The following THRB variants were observed in gnomAD, a reference collection of about 807,000 sequenced individuals.
THRB encodes the protein nuclear receptor subfamily 1 group A member 2.
In THRB, 12 loss-of-function variants were observed where a neutral mutation model predicts 47.8. That is an observed-to-expected ratio of 0.25 (90% confidence interval 0.16 to 0.41). The LOEUF (loss-of-function observed/expected upper bound fraction) is 0.41, where lower values mean the gene tolerates loss of function less well. THRB is among the 10% of genes least tolerant of loss of function. The pLI is 1.00. For synonymous variants in THRB, 218 were observed against 212.2 expected, an observed-to-expected ratio of 1.03 and a Z score of -0.24; for missense variants, 348 against 589.2, an observed-to-expected ratio of 0.59 and a Z score of 4.24.
At chr3:24,412,600 A>G (rs2068401437) in intron 1 of THRB, among the ~76,000 whole-genome samples, 1 of 151,866 alleles carries the variant, frequency 6.6e-6, no homozygotes, top group Non-Finnish European at 1.5e-5. Flanking sequence ...ATTTTCTCAT[A>G]TTCTCCTACT....
intron 1 of THRB, among the ~76,000 whole-genome samples, chr3:24,417,095 AACAC>A (rs67541584): frequency 0.01 from 1,364 of 135,648 alleles, 21 homozygotes; most frequent in African/African-American, 0.028. Context: ...ATTTTAAACC[AACAC>A]ACACACACAC....
chr3:24,350,098 GC>G (rs1450328106), intron 1 of THRB, among the ~76,000 whole-genome samples: 1 of 152,014 alleles, frequency 6.6e-6, no homozygotes, highest in Non-Finnish European at 1.5e-5. Context: ...ATACTCAAAT[GC>G]AAACCAACAT....
chr3:24,278,987 G>C (rs78888111), intron 3 of THRB, among the ~76,000 whole-genome samples: 1 of 152,044 alleles, frequency 6.6e-6, no homozygotes, highest in African/African-American at 2.4e-5. Flanking sequence ...TAGGACTACC[G>C]GTGCATACTA....
At chr3:24,452,033 A>G (rs957331754) in intron 1 of THRB, among the ~76,000 whole-genome samples, 1 of 152,150 alleles carries the variant, frequency 6.6e-6, no homozygotes, top group Non-Finnish European at 1.5e-5. Flanking sequence ...TTTAGAGATG[A>G]CTAGATTGCC....
chr3:24,466,126 C>T (rs577867961), intron 1 of THRB, among the ~76,000 whole-genome samples: 12 of 152,150 alleles, frequency 7.9e-5, no homozygotes, highest in Non-Finnish European at 1.2e-4. Context: ...CATACATGTG[C>T]AGCCTTCTGA....
intron 1 of THRB, among the ~76,000 whole-genome samples, chr3:24,407,057 T>C (rs2067883791): frequency 6.6e-6 from 1 of 151,820 alleles, no homozygotes; most frequent in Admixed American, 6.6e-5. Context: ...GCATGGCCAC[T>C]TTAGATAAAC....
chr3:24,269,599 AT>A (rs10575669), intron 3 of THRB, among the ~76,000 whole-genome samples: 61,521 of 134,058 alleles, frequency 0.46, 12,890 homozygotes, highest in Middle Eastern at 0.54. Context: ...ATAATTTTTA[AT>A]TTTTTTTTTT....
intron 1 of THRB, among the ~76,000 whole-genome samples, chr3:24,423,871 TTC>T (rs1293631501): frequency 1.3e-5 from 2 of 151,830 alleles, no homozygotes; most frequent in Non-Finnish European, 2.9e-5. Flanking sequence ...CAGAGGAAAA[TTC>T]TCTGTTCCAA....
chr3:24,213,021 C>T (rs973686873), intron 4 of THRB, among the ~76,000 whole-genome samples: 4 of 152,076 alleles, frequency 2.6e-5, no homozygotes, highest in Non-Finnish European at 4.4e-5. Context: ...GCAACTCTGG[C>T]GATACGGTAT....
intron 9 of THRB, among the ~76,000 whole-genome samples, chr3:24,132,823 C>G (rs2034080874): frequency 6.6e-6 from 1 of 152,236 alleles, no homozygotes; most frequent in Non-Finnish European, 1.5e-5. Flanking sequence ...AACGACCACA[C>G]AGTCATCTCA....
chr3:24,431,979 G>A (rs1368583580), intron 1 of THRB, among the ~76,000 whole-genome samples: 3 of 152,040 alleles, frequency 2.0e-5, no homozygotes, highest in Non-Finnish European at 4.4e-5. Flanking sequence ...ACGCACATAT[G>A]TAGTACAGCT....
intron 4 of THRB, among the ~76,000 whole-genome samples, chr3:24,213,915 G>A (rs1231989167): frequency 6.6e-6 from 1 of 152,170 alleles, no homozygotes; most frequent in Non-Finnish European, 1.5e-5. Context: ...CAAGGTTGGT[G>A]CATTTGGCCT....
At chr3:24,317,328 G>A (rs2058185209) in intron 2 of THRB, among the ~76,000 whole-genome samples, 1 of 152,104 alleles carries the variant, frequency 6.6e-6, no homozygotes, top group Non-Finnish European at 1.5e-5. Flanking sequence ...AAAATCGAAA[G>A]AGGTGCATGC....
intron 2 of THRB, among the ~76,000 whole-genome samples, chr3:24,314,822 T>C (rs1176451208): frequency 2.0e-5 from 3 of 152,188 alleles, no homozygotes; most frequent in Non-Finnish European, 2.9e-5. Flanking sequence ...TAAATGTCTC[T>C]CAAAGGATGG....
At chr3:24,339,083 C>T (rs1424163597) in intron 1 of THRB, among the ~76,000 whole-genome samples, 1 of 152,130 alleles carries the variant, frequency 6.6e-6, no homozygotes, top group Non-Finnish European at 1.5e-5. Context: ...ATTATGTATA[C>T]ATATACACCA....
chr3:24,311,271 T>G (rs1337462904), intron 2 of THRB, among the ~76,000 whole-genome samples: 1 of 152,158 alleles, frequency 6.6e-6, no homozygotes, highest in African/African-American at 2.4e-5. Flanking sequence ...AAAATGGAGT[T>G]GGAAAGGCTT....
chr3:24,134,634 C>T (rs918466362), intron 8 of THRB, among the ~76,000 whole-genome samples: 1 of 152,304 alleles, frequency 6.6e-6, no homozygotes, highest in East Asian at 1.9e-4. Context: ...AAGGCTTTTA[C>T]TCCCTGTGGA....
At chr3:24,395,993 G>T (rs1180403397) in intron 1 of THRB, among the ~76,000 whole-genome samples, 1 of 152,092 alleles carries the variant, frequency 6.6e-6, no homozygotes, top group East Asian at 1.9e-4. Flanking sequence ...TAGAGTGGGA[G>T]AAATGGGGAC....
At chr3:24,385,012 A>G (rs567171046) in intron 1 of THRB, among the ~76,000 whole-genome samples, 1 of 152,290 alleles carries the variant, frequency 6.6e-6, no homozygotes, top group South Asian at 2.1e-4. Context: ...ACAAAATTTA[A>G]GTAAAAGTAT....
Sources: gnomAD v4.1 joint callset for allele counts (sites outside exome capture counted in the v4.1 genomes callset) on GRCh38, gnomAD v4.1.1 for gene constraint, MANE v1.5 for transcripts, NCBI Gene and HGNC (gene_info 2026-07-23, HGNC 2026-07-21) for gene names.